NEXMIF: variants seen among roughly 807,000 people sequenced by gnomAD.
NEXMIF encodes the protein neurite extension and migration factor, also known as XLMR protein related to neurite extension.
In NEXMIF, 8 loss-of-function variants were observed where a neutral mutation model predicts 62.1. That is an observed-to-expected ratio of 0.13 (90% CI 0.08 to 0.23). NEXMIF has a LOEUF of 0.23. NEXMIF is among the 10% of genes least tolerant of loss of function. The probability of loss-of-function intolerance (pLI) is 1.00; values close to 1 mark genes in which losing one functional copy is unlikely to be tolerated. For missense variants in NEXMIF, 976 were observed against 1,113.3 expected (o/e 0.88, Z 1.75); for synonymous variants, 404 against 416.6 (o/e 0.97, Z 0.37).
In NEXMIF at chrX:74,851,595, A is replaced by G. The variant is rs188783961; in HGVS notation, c.-48+73288T>C. ...CATCTTCAAAGTGCTTAAAGGAAAA[A>G]AAAAAAATAACTGCCAGCCAAGGAT... On this transcript the variant is annotated intron_variant, in intron 1 of 3. Transcript: ENST00000055682. Among the ~76,000 whole-genome samples, 369 of 111,313 alleles carry G rather than the reference A, an allele frequency of 3.3e-3. 2 individuals are homozygous for G. The highest frequency in any genetic ancestry group is 0.011 in the African/African-American group (352 of 30,688).
intron 1 of NEXMIF, among the ~76,000 whole-genome samples, chrX:74,837,610 T>G (rs1478877233): frequency 1.8e-5 from 2 of 112,322 alleles, no homozygotes; most frequent in African/African-American, 6.5e-5. Context: ...CTTGTCCTGC[T>G]CCTCTTTATT....
intron 1 of NEXMIF, among the ~76,000 whole-genome samples, chrX:74,903,903 G>A (rs1360054642): frequency 2.7e-5 from 3 of 109,742 alleles, no homozygotes; most frequent in African/African-American, 1.0e-4. Flanking sequence ...GTGTGTGTGT[G>A]TGTGTGTGTG....
intron 1 of NEXMIF, among the ~76,000 whole-genome samples, chrX:74,791,345 T>A (rs1056658667): frequency 6.3e-5 from 7 of 111,782 alleles, no homozygotes; most frequent in Non-Finnish European, 1.1e-4. Flanking sequence ...TCATGCTGGA[T>A]AAGCTTTTTG....
chrX:74,883,395 TG>T (rs2080674870), intron 1 of NEXMIF, among the ~76,000 whole-genome samples: 1 of 110,731 alleles, frequency 9.0e-6, no homozygotes, highest in Non-Finnish European at 1.9e-5. Flanking sequence ...TTAAAAACTT[TG>T]AAAAAAAATT....
In NEXMIF at chrX:74,877,335, C is replaced by T. The variant is rs755997239; in HGVS notation, c.-48+47548G>A. ...AATATTGGCCCCCACTCTCTTCTGGCTTGTAGAGTTTCTGCTGAGAGATCT... is the reference window on the plus strand; with the variant it reads ...AATATTGGCCCCCACTCTCTTCTGGTTTGTAGAGTTTCTGCTGAGAGATCT... On this transcript the variant is annotated intron_variant, in intron 1 of 3. Coordinates refer to ENST00000055682, the MANE Select transcript of NEXMIF (RefSeq NM_001008537.3). Among the ~76,000 whole-genome samples the T allele has an allele frequency of 5.1e-3, 574 of 111,914 alleles. 7 individuals are homozygous for T. Among genetic ancestry groups the T allele is most frequent in the African/African-American group, 0.018 (541 of 30,774 alleles).
At chrX:74,910,982 C>T (rs576624818) in intron 1 of NEXMIF, among the ~76,000 whole-genome samples, 4 of 111,541 alleles carry the variant, frequency 3.6e-5, no homozygotes, top group South Asian at 3.8e-4. Flanking sequence ...TTATCAGCAG[C>T]GTGAAAACAA....
intron 1 of NEXMIF, among the ~76,000 whole-genome samples, chrX:74,866,932 T>C (rs767348951): frequency 2.0e-4 from 23 of 112,252 alleles, no homozygotes; most frequent in African/African-American, 7.1e-4. Flanking sequence ...AAAGGACTAA[T>C]ACACTCAGAA....
chrX:74,919,699 T>TGG (rs1259549094), intron 1 of NEXMIF, among the ~76,000 whole-genome samples: 1 of 110,813 alleles, frequency 9.0e-6, no homozygotes, highest in African/African-American at 3.3e-5. Flanking sequence ...TACGTATACA[T>TGG]GTGCCATGCT....
intron 1 of NEXMIF, among the ~76,000 whole-genome samples, chrX:74,919,872 G>A (rs1165357992): frequency 5.4e-5 from 6 of 110,173 alleles, no homozygotes; most frequent in East Asian, 3.0e-4. Context: ...GAGAACACGC[G>A]GTGTTTGGTT....
intron 1 of NEXMIF, among the ~76,000 whole-genome samples, chrX:74,899,542 C>T (rs777165644): frequency 1.8e-5 from 2 of 112,078 alleles, no homozygotes; most frequent in African/African-American, 3.2e-5. Context: ...AAGATCTGTA[C>T]ATGGAAAACT....
At chrX:74,838,940 T>C (rs1225922594) in intron 1 of NEXMIF, among the ~76,000 whole-genome samples, 1 of 112,035 alleles carries the variant, frequency 8.9e-6, no homozygotes, top group Non-Finnish European at 1.9e-5. Context: ...AGTAATCTGC[T>C]CAGTCCTTAC....
chrX:74,880,396 A>G (rs1406163947), intron 1 of NEXMIF, among the ~76,000 whole-genome samples: 1 of 111,677 alleles, frequency 9.0e-6, no homozygotes, highest in Non-Finnish European at 1.9e-5. Flanking sequence ...CTAAGAGAAG[A>G]GGGAAGGAGG....
intron 1 of NEXMIF, among the ~76,000 whole-genome samples, chrX:74,832,429 C>T (rs375934562): frequency 3.2e-4 from 36 of 111,083 alleles, no homozygotes; most frequent in Admixed American, 1.9e-3. Context: ...TTTACATTCC[C>T]GTGGTATCAG....
chrX:74,850,143 A>G (rs1202303079), intron 1 of NEXMIF, among the ~76,000 whole-genome samples: 3 of 111,467 alleles, frequency 2.7e-5, no homozygotes, highest in African/African-American at 9.8e-5. Flanking sequence ...CACCATTAGC[A>G]CTTGAGCACT....
intron 1 of NEXMIF, among the ~76,000 whole-genome samples, chrX:74,851,411 T>C (rs1216007502): frequency 9.0e-6 from 1 of 111,057 alleles, no homozygotes; most frequent in Non-Finnish European, 1.9e-5. Flanking sequence ...AAAGGTCTTA[T>C]CCACTGTGTA....
chrX:74,864,287 C>A (rs1047790139), intron 1 of NEXMIF, among the ~76,000 whole-genome samples: 4 of 112,072 alleles, frequency 3.6e-5, no homozygotes, highest in African/African-American at 9.7e-5. Flanking sequence ...GGAAGCCAAA[C>A]TGTCTGTTTG....
intron 1 of NEXMIF, among the ~76,000 whole-genome samples, chrX:74,749,371 A>G (rs2080134883): frequency 1.8e-5 from 2 of 110,896 alleles, no homozygotes; most frequent in Non-Finnish European, 3.8e-5. Context: ...AACAACTGCT[A>G]TAGAATCATA....
chrX:74,834,442 T>C (rs1373282861), intron 1 of NEXMIF, among the ~76,000 whole-genome samples: 2 of 111,992 alleles, frequency 1.8e-5, no homozygotes, highest in Non-Finnish European at 3.8e-5. Flanking sequence ...ATTGACATCC[T>C]TTTATTTCAG....
chrX:74,818,607 T>C (rs1003025225), intron 1 of NEXMIF, among the ~76,000 whole-genome samples: 2 of 112,058 alleles, frequency 1.8e-5, no homozygotes, highest in African/African-American at 6.5e-5. Flanking sequence ...AAAATTGACA[T>C]GTGGGACCTA....
Sources: gnomAD v4.1 joint callset for allele counts (sites outside exome capture counted in the v4.1 genomes callset) on GRCh38, gnomAD v4.1.1 for gene constraint, MANE v1.5 for transcripts, NCBI Gene and HGNC (gene_info 2026-07-23, HGNC 2026-07-21) for gene names.